Variants in RABGAP1L observed in about 807,000 individuals in gnomAD.
The protein encoded by RABGAP1L is RAB GTPase activating protein 1 like, also known as rab GTPase-activating protein 1-like.
A neutral mutation model predicts 137.7 loss-of-function variants in RABGAP1L; 63 were observed. The observed-to-expected ratio is 0.46, with a 90% confidence interval of 0.37 to 0.56. RABGAP1L has a LOEUF of 0.56. RABGAP1L is among the 20% of genes least tolerant of loss of function. The pLI is 0.00. For missense variants in RABGAP1L, 1,095 were observed against 1,244.0 expected (o/e 0.88, Z 1.80); for synonymous variants, 431 against 433.7 (o/e 0.99, Z 0.08).
chr1:174,701,344 T>C (rs1275283718), intron 16 of RABGAP1L, among the ~76,000 whole-genome samples: 2 of 152,226 alleles, frequency 1.3e-5, no homozygotes, highest in Non-Finnish European at 2.9e-5. Context: ...TAGTTTGTCG[T>C]GGCTTAGAAT....
chr1:174,284,591 G>A (rs1675889611), intron 10 of RABGAP1L, among the ~76,000 whole-genome samples: 1 of 152,148 alleles, frequency 6.6e-6, no homozygotes. Flanking sequence ...ATACCCAGCA[G>A]TGTGATAGCT....
At chr1:174,940,890 C>T (rs931083173) in intron 19 of RABGAP1L, among the ~76,000 whole-genome samples, 2 of 152,194 alleles carry the variant, frequency 1.3e-5, no homozygotes, top group African/African-American at 4.8e-5. Context: ...AAAATATGGT[C>T]ACTGAGCTAG....
chr1:174,336,013 A>AT (rs781303451), intron 11 of RABGAP1L, among the ~76,000 whole-genome samples: 1 of 152,132 alleles, frequency 6.6e-6, no homozygotes, highest in Non-Finnish European at 1.5e-5. Context: ...TAAAATCTGC[A>AT]TTTTTTGTTG....
At chr1:174,252,665 T>C in intron 7 of RABGAP1L, 75 bp downstream of exon 7, 1 of 1,538,190 alleles carries the variant, frequency 6.5e-7, no homozygotes. Context: ...TTGCTCAGTG[T>C]GGCTTTTCAC....
intron 11 of RABGAP1L, among the ~76,000 whole-genome samples, chr1:174,329,070 T>A (rs868830540): frequency 4.5e-4 from 67 of 148,884 alleles, no homozygotes; most frequent in African/African-American, 1.6e-3. Context: ...CAAAAGTTTA[T>A]TTTTGAAAAG....
intron 5 of RABGAP1L, chr1:174,246,427 A>G (rs1004627515): frequency 6.6e-6 from 1 of 152,192 alleles, no homozygotes; most frequent in Non-Finnish European, 1.5e-5. Flanking sequence ...ATGTGTTTTT[A>G]ATTTCCTTTC....
intron 10 of RABGAP1L, among the ~76,000 whole-genome samples, chr1:174,296,365 A>G (rs1336048669): frequency 6.6e-6 from 1 of 152,112 alleles, no homozygotes; most frequent in Non-Finnish European, 1.5e-5. Context: ...ATTAGGATAG[A>G]TTTTACTTTA....
intron 4 of RABGAP1L, among the ~76,000 whole-genome samples, chr1:174,232,002 A>G (rs1289477818): frequency 2.0e-5 from 3 of 152,178 alleles, no homozygotes; most frequent in African/African-American, 4.8e-5. Context: ...ATAGAAATAA[A>G]ACGGTAAAAA....
intron 15 of RABGAP1L, among the ~76,000 whole-genome samples, chr1:174,688,522 A>T (rs1678643494): frequency 6.6e-6 from 1 of 152,080 alleles, no homozygotes; most frequent in African/African-American, 2.4e-5. Context: ...GCTTTGTCTG[A>T]TAAAGATATG....
intron 18 of RABGAP1L, chr1:174,800,444 C>T (rs1167858788): frequency 1.9e-6 from 3 of 1,550,892 alleles, no homozygotes; most frequent in East Asian, 2.4e-5. Context: ...GTATGCGTGT[C>T]GAGTGCTGGA....
At chr1:174,505,389 T>C (rs943399739) in intron 13 of RABGAP1L, among the ~76,000 whole-genome samples, 1 of 152,212 alleles carries the variant, frequency 6.6e-6, no homozygotes, top group Non-Finnish European at 1.5e-5. Context: ...TTTCACATTT[T>C]GGCCCAAACT....
chr1:174,397,628 C>A (rs566931000), intron 13 of RABGAP1L, among the ~76,000 whole-genome samples: 4 of 152,298 alleles, frequency 2.6e-5, no homozygotes, highest in Admixed American at 1.3e-4. Context: ...CTGATTAAAC[C>A]CTGTCTGATA....
At chr1:174,549,822 TTTATAATC>T (rs1376158910) in intron 13 of RABGAP1L, among the ~76,000 whole-genome samples, 3 of 152,122 alleles carry the variant, frequency 2.0e-5, no homozygotes, top group Non-Finnish European at 4.4e-5. Flanking sequence ...GACAAGACAG[TTTATAATC>T]CCTTCCTTCA....
At chr1:174,443,277 A>G (rs1482803518) in intron 13 of RABGAP1L, among the ~76,000 whole-genome samples, 1 of 151,882 alleles carries the variant, frequency 6.6e-6, no homozygotes, top group East Asian at 1.9e-4. Flanking sequence ...TCTATTTTTA[A>G]ATTTTTGAGG....
intron 19 of RABGAP1L, among the ~76,000 whole-genome samples, chr1:174,850,468 T>C (rs1475923148): frequency 6.6e-6 from 1 of 152,260 alleles, no homozygotes; most frequent in Non-Finnish European, 1.5e-5. Context: ...GTATATCTTT[T>C]ATACCTTTTG....
intron 1 of RABGAP1L, among the ~76,000 whole-genome samples, chr1:174,175,311 G>T (rs989989312): frequency 1.3e-5 from 2 of 152,048 alleles, no homozygotes; most frequent in South Asian, 4.2e-4. Context: ...TGTTCTGGAT[G>T]GCATGAAGTT....
At chr1:174,212,684 A>T (rs1230575428) in intron 1 of RABGAP1L, among the ~76,000 whole-genome samples, 2 of 152,094 alleles carry the variant, frequency 1.3e-5, no homozygotes, top group Admixed American at 1.3e-4. Context: ...AAGAAATAAT[A>T]AAGATCAGGG....
chr1:174,440,473 A>G (rs1042183690), intron 13 of RABGAP1L, among the ~76,000 whole-genome samples: 1 of 152,180 alleles, frequency 6.6e-6, no homozygotes, highest in Non-Finnish European at 1.5e-5. Flanking sequence ...CAGGTAGGAG[A>G]AGTAGTTGAG....
intron 19 of RABGAP1L, chr1:174,935,606 A>T (rs1398509038): frequency 6.6e-6 from 1 of 152,214 alleles, no homozygotes; most frequent in East Asian, 1.9e-4. Context: ...TTGTGGGATT[A>T]CCTTAAGAGC....
Sources: gnomAD v4.1 joint callset for allele counts (sites outside exome capture counted in the v4.1 genomes callset) on GRCh38, gnomAD v4.1.1 for gene constraint, MANE v1.5 for transcripts, NCBI Gene and HGNC (gene_info 2026-07-23, HGNC 2026-07-21) for gene names.